Variants in GNA12 observed in about 807,000 individuals in gnomAD.
GNA12 encodes G protein subunit alpha 12, also known as guanine nucleotide-binding protein subunit alpha-12.
Under a neutral mutation model 26.0 loss-of-function variants are expected in GNA12, and 9 were observed. The ratio of observed to expected loss-of-function variants is 0.35; its 90% CI spans 0.21 to 0.60. The LOEUF is 0.60. GNA12 is among the 20% of genes least tolerant of loss of function. GNA12 has a pLI of 0.78. For missense variants in GNA12, 405 were observed against 525.8 expected, an observed-to-expected ratio of 0.77 and a Z score of 2.25; for synonymous variants, 264 against 219.6, an observed-to-expected ratio of 1.20 and a Z score of -1.79.
chr7:2,803,992 C>G (rs1377824504), intron 1 of GNA12, among the ~76,000 whole-genome samples: 1 of 152,216 alleles, frequency 6.6e-6, no homozygotes, highest in Non-Finnish European at 1.5e-5. Context: ...TTCTTCCTCT[C>G]CTGTTCTTCC....
Position 2,731,633 on chromosome 7 carries a change from G to T in GNA12, c.694C>A (p.Arg232=), listed in dbSNP as rs980878134. 6.2e-7 allele frequency: 1 copy of T among 1,613,684 alleles called. No individual in the cohort carries two copies. The highest frequency in any genetic ancestry group is 1.1e-5 in the South Asian group (1 of 91,068). ...TGGAACCACTTCTGGCGCTGGGACC[G>T]CTGGCCGCCCACATCCACCATCTTA... The part of the protein sequence containing the change: ...PFKMVDVGGQ[R]SQRQKWFQCF... The change falls in exon 4 of 4, where the codon CGG becomes AGG. Residue 232 remains arginine, a synonymous_variant. Coordinates refer to ENST00000275364, the MANE Select transcript of GNA12 (RefSeq NM_007353.3). The surrounding 1 kb of genome is among the most constrained non-coding windows in gnomAD (Gnocchi z 6.0).
chr7:2,842,151 A>C (rs1170408356), intron 1 of GNA12, among the ~76,000 whole-genome samples: 2 of 109,306 alleles, frequency 1.8e-5, no homozygotes, highest in Non-Finnish European at 4.3e-5. Context: ...GAAAAGAAGG[A>C]AAGGAAGGAA....
chr7:2,800,193 G>A (rs1792775734), intron 1 of GNA12, among the ~76,000 whole-genome samples: 1 of 152,226 alleles, frequency 6.6e-6, no homozygotes, highest in South Asian at 2.1e-4. Flanking sequence ...CTTGGATGAA[G>A]CTCTAGGATG....
rs551134218 is a variant in GNA12, at chr7:2,776,173, T to C, written c.525+18755A>G. Among the ~76,000 whole-genome samples the C allele has an allele frequency of 2.0e-4, 31 of 152,316 alleles. 1 individual carries two copies. The highest frequency in any genetic ancestry group is 3.4e-3 in the Middle Eastern group (1 of 294). On this transcript the variant is annotated intron_variant, in intron 2 of 3. Transcript: ENST00000275364. ...CTGGTCTCTAACTCCTAGGCTCAAG[T>C]GATCTTCCCATCTCAGCCTCCCAAA...
At chr7:2,783,598 G>A (rs568274302) in intron 2 of GNA12, among the ~76,000 whole-genome samples, 1 of 152,042 alleles carries the variant, frequency 6.6e-6, no homozygotes, top group Non-Finnish European at 1.5e-5. Flanking sequence ...CTCTTGTAAG[G>A]TTTCGCCTGG....
At chr7:2,764,489 G>A (rs976243415) in intron 2 of GNA12, 2 of 152,242 alleles carry the variant, frequency 1.3e-5, no homozygotes, top group East Asian at 1.9e-4. Context: ...CCTCTGAGAC[G>A]CCCCAGTTGC....
chr7:2,800,773 G>A (rs1243750891), intron 1 of GNA12, among the ~76,000 whole-genome samples: 2 of 152,128 alleles, frequency 1.3e-5, no homozygotes, highest in African/African-American at 4.8e-5. Context: ...GTGGTGGACT[G>A]GAATCTACCT....
chr7:2,789,640 TC>T (rs904383175), intron 2 of GNA12, among the ~76,000 whole-genome samples: 2 of 152,080 alleles, frequency 1.3e-5, no homozygotes, highest in African/African-American at 4.8e-5. Flanking sequence ...GGTGGCAACA[TC>T]CCACCCACTG....
At chr7:2,842,593 T>G (rs1779027939) in intron 1 of GNA12, among the ~76,000 whole-genome samples, 1 of 152,176 alleles carries the variant, frequency 6.6e-6, no homozygotes, top group African/African-American at 2.4e-5. Flanking sequence ...CCATCACACC[T>G]GGCCGACTTC....
chr7:2,750,198 G>A (rs1014359108), intron 2 of GNA12, among the ~76,000 whole-genome samples: 9 of 152,136 alleles, frequency 5.9e-5, no homozygotes, highest in African/African-American at 2.2e-4. Flanking sequence ...TCACAGCAGC[G>A]ACACCGGCAA....
At chr7:2,732,731 G>C (rs1789964077) in intron 3 of GNA12, among the ~76,000 whole-genome samples, 1 of 152,148 alleles carries the variant, frequency 6.6e-6, no homozygotes, top group African/African-American at 2.4e-5. Context: ...AACACTGCAG[G>C]GGTGGAAGAG....
intron 2 of GNA12, among the ~76,000 whole-genome samples, chr7:2,776,627 G>C (rs1792084138): frequency 1.3e-5 from 2 of 152,184 alleles, no homozygotes; most frequent in South Asian, 4.1e-4. Context: ...CTTGCCGAGA[G>C]AGGAGCAGGC....
intron 2 of GNA12, among the ~76,000 whole-genome samples, chr7:2,789,132 C>CTATTTTTTTT (rs1202789852): frequency 1.1e-4 from 8 of 72,822 alleles, no homozygotes; most frequent in Non-Finnish European, 1.6e-4. Context: ...CTTCAGGCAT[C>CTATTTTTTTT]TTTTTTTTTT....
intron 1 of GNA12, among the ~76,000 whole-genome samples, chr7:2,805,523 C>G (rs2115473466): frequency 6.6e-6 from 1 of 152,208 alleles, no homozygotes; most frequent in East Asian, 1.9e-4. Context: ...TTTTTCAGCT[C>G]TGTTCTACAC....
At chr7:2,836,304 G>T (rs1379165971) in intron 1 of GNA12, among the ~76,000 whole-genome samples, 1 of 152,172 alleles carries the variant, frequency 6.6e-6, no homozygotes, top group African/African-American at 2.4e-5. Flanking sequence ...CAAAGTAACA[G>T]CTCTACTCCT....
At chr7:2,821,035 C>T (rs1793337154) in intron 1 of GNA12, among the ~76,000 whole-genome samples, 3 of 152,226 alleles carry the variant, frequency 2.0e-5, no homozygotes, top group African/African-American at 4.8e-5. Flanking sequence ...CCACCGCGCC[C>T]GGCCTACATC....
At chr7:2,775,377 A>G (rs1239311393) in intron 2 of GNA12, 1 of 152,246 alleles carries the variant, frequency 6.6e-6, no homozygotes, top group Admixed American at 6.5e-5. Context: ...GATTGAAGTC[A>G]TGGGGTCTAA....
At chr7:2,831,466 C>A (rs6945135) in intron 1 of GNA12, among the ~76,000 whole-genome samples, 24,351 of 145,962 alleles carry the variant, frequency 0.17, 2,286 homozygotes, top group Middle Eastern at 0.29. Flanking sequence ...TGCAGTGGCG[C>A]GATCTCTGCT....
intron 2 of GNA12, among the ~76,000 whole-genome samples, chr7:2,750,599 G>T (rs920674057): frequency 6.6e-6 from 1 of 152,198 alleles, no homozygotes; most frequent in African/African-American, 2.4e-5. Flanking sequence ...ATGTGAATGT[G>T]GTCTCTCAAA....
Sources: allele counts gnomAD v4.1 joint callset (sites outside exome capture counted in the v4.1 genomes callset), GRCh38; gene constraint gnomAD v4.1.1; non-coding constraint Gnocchi (gnomAD v3.1); transcripts MANE v1.5; gene names NCBI Gene and HGNC (gene_info 2026-07-23, HGNC 2026-07-21).